Variants in RYR2 observed in about 807,000 individuals in gnomAD.
RYR2 encodes the protein cardiac muscle ryanodine receptor-calcium release channel.
RYR2 carries 227 observed loss-of-function variants against 601.1 expected under a neutral mutation model. That is an observed-to-expected ratio of 0.38 (90% CI 0.34 to 0.42). The LOEUF (loss-of-function observed/expected upper bound fraction) is 0.42. Ranked by LOEUF, RYR2 falls within the 10% of genes least tolerant of loss-of-function variation. The probability of loss-of-function intolerance (pLI) is 1.00; values close to 1 mark genes in which losing one functional copy is unlikely to be tolerated. For synonymous variants in RYR2, 2,223 were observed against 2,175.1 expected (o/e 1.02, Z -0.61); for missense variants, 4,646 against 6,156.5 (o/e 0.75, Z 8.21).
chr1:237,757,039 AT>A (rs1344843768), intron 81 of RYR2, among the ~76,000 whole-genome samples: 7 of 152,372 alleles, frequency 4.6e-5, no homozygotes, highest in Admixed American at 4.6e-4. Context: ...TTGTGAAAAC[AT>A]TTTAAATATA....
chr1:237,744,088 G>A (rs771254729), intron 80 of RYR2, among the ~76,000 whole-genome samples: 4 of 152,160 alleles, frequency 2.6e-5, no homozygotes, highest in Non-Finnish European at 4.4e-5. Context: ...AGTAACTGGA[G>A]ATTATATTCC....
intron 1 of RYR2, among the ~76,000 whole-genome samples, chr1:237,090,866 A>C (rs544663401): frequency 6.6e-6 from 1 of 152,226 alleles, no homozygotes; most frequent in African/African-American, 2.4e-5. Context: ...GGTTGGCATG[A>C]AAGTTAAAGG....
chr1:237,063,691 T>C (rs1446003513), intron 1 of RYR2, among the ~76,000 whole-genome samples: 2 of 152,212 alleles, frequency 1.3e-5, no homozygotes, highest in African/African-American at 4.8e-5. Context: ...TATGTTGCAC[T>C]GTCTAGTGCC....
Position 237,149,302 on chromosome 1 carries a change from C to CAAACAAAAACAA in RYR2, c.48+106749_48+106760dup, listed in dbSNP as rs76484926. 2.1e-4 allele frequency among the ~76,000 whole-genome samples: 31 copies of CAAACAAAAACAA among 150,660 alleles called. No individual in the cohort carries two copies. The South Asian group carries it at 2.1e-3, about 10-fold the overall frequency. On this transcript the variant is annotated intron_variant, in intron 1 of 104. Transcript: ENST00000366574. ...GCTGAGACCCCGTCTCTACAAAAAA[C>CAAACAAAAACAA]AAACAAAAACAAAAACAAAAACAAA...
rs1433943784 is a variant in RYR2, at chr1:237,595,584, G to C, written c.4523G>C (p.Gly1508Ala). The change falls in exon 34 of 105, where the codon GGC becomes GCC. Residue 1508 changes from glycine to alanine, a missense_variant. Around this residue, in one of 17 missense-constraint regions of RYR2, gnomAD observed 1,807 missense variants for 2,088.1 expected, o/e 0.87. Coordinates refer to ENST00000366574, the MANE Select transcript of RYR2 (RefSeq NM_001035.3). ...CGCAACAATAATGGACTGGAGATTG[G>C]CTGTGTGGTGGATGCTGCCAGCGGG... is the stretch of plus-strand genomic sequence containing the variant. Reference protein sequence around the residue: ...QGRNNNGLEIGCVVDAASGLL... With the variant: ...QGRNNNGLEIACVVDAASGLL... 1 of 1,613,380 alleles carries C rather than the reference G, an allele frequency of 6.2e-7. No individual in the cohort carries two copies. The highest frequency in any genetic ancestry group is 8.5e-7 in the Non-Finnish European group (1 of 1,179,682).
At chr1:237,206,102 A>G (rs762106636) in intron 1 of RYR2, among the ~76,000 whole-genome samples, 1 of 152,206 alleles carries the variant, frequency 6.6e-6, no homozygotes, top group Non-Finnish European at 1.5e-5. Flanking sequence ...AAGCCGGCTC[A>G]CTGGGAGGCC....
At chr1:237,104,860 C>A (rs988781929) in intron 1 of RYR2, among the ~76,000 whole-genome samples, 1 of 152,210 alleles carries the variant, frequency 6.6e-6, no homozygotes, top group South Asian at 2.1e-4. Flanking sequence ...TGTTGACTAT[C>A]GTGCAGTGGA....
Position 237,770,788 on chromosome 1 carries a change from C to G in RYR2, c.11477-19C>G, listed in dbSNP as rs779655352. On this transcript the variant is annotated intron_variant, in intron 84 of 104. Coordinates refer to ENST00000366574, the MANE Select transcript of RYR2 (RefSeq NM_001035.3). Reference sequence around the variant, plus strand: ...GCTGGGGTGGCTGGTAATGTTTGATCCCTCTGGATTTCCCACAGGAGAAAA... The same window carrying G: ...GCTGGGGTGGCTGGTAATGTTTGATGCCTCTGGATTTCCCACAGGAGAAAA... 2.6e-6 allele frequency: 4 copies of G among 1,516,344 alleles called. No homozygotes were observed. The allele number at this position is 1,516,344 out of a possible 1,614,324, so 93.9% of individuals were successfully genotyped here.
At chr1:237,726,632 C>A (rs1292190631) in intron 75 of RYR2, among the ~76,000 whole-genome samples, 1 of 151,902 alleles carries the variant, frequency 6.6e-6, no homozygotes, top group Non-Finnish European at 1.5e-5. Context: ...GTGTTTATTA[C>A]TTTAGCTCTT....
At chr1:237,086,720 T>C (rs2148433551) in intron 1 of RYR2, among the ~76,000 whole-genome samples, 1 of 152,242 alleles carries the variant, frequency 6.6e-6, no homozygotes, top group Middle Eastern at 3.4e-3. Flanking sequence ...GGTGGGACCA[T>C]ATCACTTTAC....
At chr1:237,813,580 C>T (rs1661476650) in intron 100 of RYR2, among the ~76,000 whole-genome samples, 1 of 152,180 alleles carries the variant, frequency 6.6e-6, no homozygotes, top group Admixed American at 6.5e-5. Context: ...ACCTCACTCT[C>T]AGTATGCATT....
intron 98 of RYR2, among the ~76,000 whole-genome samples, chr1:237,805,676 AT>A (rs1233680383): frequency 3.6e-5 from 5 of 140,120 alleles, no homozygotes; most frequent in South Asian, 4.7e-4. Context: ...TTTTAATTGT[AT>A]TTTTTTAATT....
chr1:237,367,175 C>A (rs541292021), intron 5 of RYR2, among the ~76,000 whole-genome samples: 89 of 152,206 alleles, frequency 5.8e-4, no homozygotes, highest in African/African-American at 2.0e-3. Flanking sequence ...CTCACTGCAA[C>A]CTCTGCCTCC....
rs773070579 is a variant in RYR2 at position 237,639,146 on chromosome 1, G to T, written c.7060G>T (p.Ala2354Ser). ...AGCAATGGAAGAAGCCATCAAAATC[G>T]CCGAGGATCCTTCCCGAGATGGTCC... is the stretch of plus-strand genomic sequence containing the variant. Reference protein sequence around the residue: ...LAAMEEAIKIAEDPSRDGPSP... With the variant: ...LAAMEEAIKISEDPSRDGPSP... The change falls in exon 46 of 105, where the codon GCC becomes TCC. Residue 2354 changes from alanine (A) to serine (S), a missense_variant. Physicochemically the swap from Ala to Ser is moderately conservative, Grantham distance 99. Around this residue, in one of 17 missense-constraint regions of RYR2, gnomAD observed 1,497 missense variants for 1,842.6 expected, o/e 0.81. Coordinates refer to ENST00000366574, the MANE Select transcript of RYR2 (RefSeq NM_001035.3). 5.6e-6 allele frequency: 9 copies of T among 1,613,716 alleles called. No homozygotes were observed. Among genetic ancestry groups the T allele is most frequent in the Non-Finnish European group, 5.9e-6 (7 of 1,179,842 alleles).
At chr1:237,488,822 G>A (rs1173257392) in intron 17 of RYR2, among the ~76,000 whole-genome samples, 2 of 152,074 alleles carry the variant, frequency 1.3e-5, no homozygotes, top group Admixed American at 6.6e-5. Flanking sequence ...GACTCAGCCC[G>A]CCTGCACTCA....
intron 84 of RYR2, among the ~76,000 whole-genome samples, chr1:237,764,547 CAAGCGA>C (rs1693695539): frequency 1.3e-5 from 2 of 151,682 alleles, no homozygotes; most frequent in African/African-American, 4.8e-5. Context: ...TTCCCGGGTT[CAAGCGA>C]TTCTCCTGCC....
chr1:237,615,875 A>T (rs2148605071), intron 37 of RYR2, among the ~76,000 whole-genome samples: 1 of 152,316 alleles, frequency 6.6e-6, no homozygotes, highest in Non-Finnish European at 1.5e-5. Context: ...AGAGATTTTG[A>T]CTTTTAAGCT....
chr1:237,339,273 G>C (rs1697529625), intron 3 of RYR2, among the ~76,000 whole-genome samples: 2 of 151,984 alleles, frequency 1.3e-5, no homozygotes, highest in African/African-American at 4.8e-5. Flanking sequence ...TGCCTGCTTG[G>C]AATATGATAA....
At chr1:237,184,170 C>T (rs908002267) in intron 1 of RYR2, among the ~76,000 whole-genome samples, 6 of 152,142 alleles carry the variant, frequency 3.9e-5, no homozygotes, top group Non-Finnish European at 7.3e-5. Context: ...GCCACAGCAG[C>T]GGGGAGTTGG....
Sources: allele counts gnomAD v4.1 joint callset (sites outside exome capture counted in the v4.1 genomes callset), GRCh38; gene constraint gnomAD v4.1.1; regional missense constraint gnomAD v4.1.1; transcripts MANE v1.5; gene names NCBI Gene and HGNC (gene_info 2026-07-23, HGNC 2026-07-21).